Variants in PDE3B observed in about 807,000 individuals in gnomAD.
PDE3B encodes phosphodiesterase 3B.
A neutral mutation model predicts 116.8 loss-of-function variants in PDE3B; 66 were observed. The observed-to-expected ratio is 0.56, with a 90% CI of 0.46 to 0.69. The LOEUF is 0.69. PDE3B is among the 30% of genes least tolerant of loss of function. The pLI is 0.00. For missense variants in PDE3B, 1,384 were observed against 1,368.1 expected, an observed-to-expected ratio of 1.01 and a Z score of -0.18; for synonymous variants, 595 against 533.6, an observed-to-expected ratio of 1.12 and a Z score of -1.59.
At chr11:14,725,327 CTTTT>C (rs1225721860) in intron 1 of PDE3B, among the ~76,000 whole-genome samples, 4 of 107,188 alleles carry the variant, frequency 3.7e-5, no homozygotes, top group East Asian at 2.5e-4. Context: ...TTCTTTCTTT[CTTTT>C]TCTTTCTTTC....
Position 14,730,960 on chromosome 11 carries a change from C to T in PDE3B, c.979-40977C>T, listed in dbSNP as rs150231283. On this transcript the variant is annotated intron_variant, in intron 1 of 15. Transcript: ENST00000282096. ...TCAAGACTTTTAAATTAAACATGAA[C>T]GATTAAACATTAAAAAGTATCCAGA... Among the ~76,000 whole-genome samples the T allele has an allele frequency of 4.5e-3, 692 of 152,160 alleles. 3 individuals are homozygous for T. Among genetic ancestry groups the T allele is most frequent in the African/African-American group, 0.015 (614 of 41,502 alleles).
intron 5 of PDE3B, 108 bp from the exon 6 acceptor site, chr11:14,818,075 G>A (rs1859387800): frequency 1.4e-6 from 1 of 704,844 alleles, no homozygotes; most frequent in Admixed American, 3.0e-5. Context: ...TAAATAATCT[G>A]CTTTTTTTAA....
chr11:14,825,188 A>G (rs1283031541), intron 7 of PDE3B, among the ~76,000 whole-genome samples: 1 of 152,170 alleles, frequency 6.6e-6, no homozygotes. Flanking sequence ...ACAAAAAAAC[A>G]CAGTTAAGTA....
intron 1 of PDE3B, among the ~76,000 whole-genome samples, chr11:14,749,526 C>T (rs1231503661): frequency 2.0e-5 from 3 of 152,056 alleles, no homozygotes; most frequent in South Asian, 2.1e-4. Flanking sequence ...CTACACAGAA[C>T]GGTTTAAGCA....
At chr11:14,702,683 T>C (rs1855401123) in intron 1 of PDE3B, among the ~76,000 whole-genome samples, 1 of 151,812 alleles carries the variant, frequency 6.6e-6, no homozygotes, top group African/African-American at 2.4e-5. Flanking sequence ...AAATTAGAGA[T>C]TCAGTTTGCA....
At position 14,837,703 on chromosome 11, in the gene PDE3B, A is replaced by G. The variant is rs1860096377; in HGVS notation, c.2320+2608A>G. On this transcript the variant is annotated intron_variant, in intron 11 of 15. Transcript: ENST00000282096. The stretch of plus-strand genomic sequence containing the variant: ...GCACACTTCCTTCTGAGTTCTTACT[A>G]GCAGTGTTATGAGTTCTCATACATA... 1.3e-5 allele frequency among the ~76,000 whole-genome samples: 2 copies of G among 152,196 alleles called. 1 individual carries two copies. The highest frequency in any genetic ancestry group is 4.1e-4 in the South Asian group (2 of 4,834).
the PDE3B span, chr11:14,887,595 G>T: frequency 1.0e-6 from 1 of 985,164 alleles, no homozygotes; most frequent in South Asian, 4.7e-5. Flanking sequence ...TGCTGGCAGA[G>T]ATGTAAACAG....
intron 1 of PDE3B, among the ~76,000 whole-genome samples, chr11:14,742,512 C>T (rs552621274): frequency 6.6e-6 from 1 of 152,256 alleles, no homozygotes; most frequent in African/African-American, 2.4e-5. Flanking sequence ...TCTTAGCTTC[C>T]TTGCTTTGGG....
At chr11:14,724,755 G>A (rs1320755632) in intron 1 of PDE3B, among the ~76,000 whole-genome samples, 1 of 152,156 alleles carries the variant, frequency 6.6e-6, no homozygotes, top group Admixed American at 6.5e-5. Context: ...TTGTGAGAGG[G>A]AGTGAGAAGA....
intron 1 of PDE3B, among the ~76,000 whole-genome samples, chr11:14,679,895 C>T (rs956836380): frequency 6.6e-6 from 1 of 151,996 alleles, no homozygotes; most frequent in Non-Finnish European, 1.5e-5. Flanking sequence ...CATGCTGTTC[C>T]ACTAGAGTGG....
intron 1 of PDE3B, among the ~76,000 whole-genome samples, chr11:14,754,882 T>A (rs1857145634): frequency 6.6e-6 from 1 of 152,210 alleles, no homozygotes; most frequent in South Asian, 2.1e-4. Context: ...TTCTTCTCTT[T>A]CATGCCCTCT....
intron 1 of PDE3B, among the ~76,000 whole-genome samples, chr11:14,767,305 G>A (rs561488994): frequency 9.9e-5 from 15 of 151,628 alleles, no homozygotes; most frequent in Admixed American, 5.3e-4. Context: ...TGAATTACCA[G>A]TCAGAAAGAA....
At chr11:14,797,071 T>G (rs1428590972) in intron 4 of PDE3B, among the ~76,000 whole-genome samples, 1 of 152,210 alleles carries the variant, frequency 6.6e-6, no homozygotes, top group African/African-American at 2.4e-5. Flanking sequence ...CAGTTTCAGT[T>G]TTCTGCATAT....
At chr11:14,789,894 C>G (rs754230006) in intron 4 of PDE3B, among the ~76,000 whole-genome samples, 1 of 151,918 alleles carries the variant, frequency 6.6e-6, no homozygotes, top group Non-Finnish European at 1.5e-5. Context: ...AGTACTTTGT[C>G]TTTTGAAAGC....
chr11:14,706,266 T>C (rs1201392445), intron 1 of PDE3B, among the ~76,000 whole-genome samples: 1 of 151,838 alleles, frequency 6.6e-6, no homozygotes, highest in East Asian at 1.9e-4. Context: ...TTTAAAAATA[T>C]CAAGTTGAAT....
At chr11:14,781,637 A>G (rs1286188384) in intron 2 of PDE3B, among the ~76,000 whole-genome samples, 1 of 152,162 alleles carries the variant, frequency 6.6e-6, no homozygotes, top group African/African-American at 2.4e-5. Flanking sequence ...CTCTCAATAA[A>G]TTAGGTATTG....
chr11:14,749,512 G>A (rs1009087478), intron 1 of PDE3B, among the ~76,000 whole-genome samples: 2 of 151,994 alleles, frequency 1.3e-5, no homozygotes, highest in African/African-American at 2.4e-5. Context: ...TAGATTCTTT[G>A]GGGCTACACA....
At chr11:14,731,789 C>T (rs891154447) in intron 1 of PDE3B, among the ~76,000 whole-genome samples, 4 of 152,082 alleles carry the variant, frequency 2.6e-5, no homozygotes, top group Admixed American at 1.3e-4. Context: ...GCTTACTGAG[C>T]GCCTAGTGTG....
At chr11:14,699,765 T>A (rs1371150123) in intron 1 of PDE3B, among the ~76,000 whole-genome samples, 2 of 151,880 alleles carry the variant, frequency 1.3e-5, no homozygotes, top group African/African-American at 4.8e-5. Context: ...CCTCTGAAAC[T>A]GCTTCTCATT....
Sources: allele counts gnomAD v4.1 joint callset (sites outside exome capture counted in the v4.1 genomes callset), GRCh38; gene constraint gnomAD v4.1.1; transcripts MANE v1.5; gene names NCBI Gene and HGNC (gene_info 2026-07-23, HGNC 2026-07-21).